BMPR1B: variants seen among roughly 807,000 people sequenced by gnomAD.
BMPR1B encodes bone morphogenetic protein receptor type 1B.
A neutral mutation model predicts 59.1 loss-of-function variants in BMPR1B; 12 were observed. That is an observed-to-expected ratio of 0.20 (90% CI 0.13 to 0.33). BMPR1B has a LOEUF of 0.33. Among genes scored for constraint, BMPR1B ranks in the 10% least tolerant of loss-of-function variants. The probability of loss-of-function intolerance (pLI) is 1.00; values close to 1 mark genes in which losing one functional copy is unlikely to be tolerated. For missense variants in BMPR1B, 550 were observed against 610.9 expected (o/e 0.90, Z 1.05); for synonymous variants, 237 against 207.3 (o/e 1.14, Z -1.23).
chr4:95,112,256 C>A (rs1263394296), intron 4 of BMPR1B, among the ~76,000 whole-genome samples: 1 of 151,994 alleles, frequency 6.6e-6, no homozygotes, highest in Non-Finnish European at 1.5e-5. Flanking sequence ...TTTATCACTT[C>A]CAACACTCTG....
At chr4:94,769,031 G>T in intron 1 of BMPR1B, among the ~76,000 whole-genome samples, 1 of 151,892 alleles carries the variant, frequency 6.6e-6, no homozygotes, top group East Asian at 1.9e-4. Flanking sequence ...TTATACTTGT[G>T]GTTTGAAAGC....
chr4:94,799,303 G>GTTTT (rs781266058), intron 1 of BMPR1B, among the ~76,000 whole-genome samples: 22 of 139,048 alleles, frequency 1.6e-4, no homozygotes, highest in African/African-American at 5.8e-4. Context: ...TTGGGTGACT[G>GTTTT]TTTTTTTTTT....
At chr4:94,802,577 G>A (rs1723449714) in intron 1 of BMPR1B, among the ~76,000 whole-genome samples, 1 of 152,168 alleles carries the variant, frequency 6.6e-6, no homozygotes, top group African/African-American at 2.4e-5. Context: ...GAGGACATAA[G>A]CAAAGACTTA....
chr4:95,018,162 G>T (rs2149133079), intron 3 of BMPR1B, among the ~76,000 whole-genome samples: 1 of 152,228 alleles, frequency 6.6e-6, no homozygotes, highest in Admixed American at 6.5e-5. Flanking sequence ...ATCATTTTAT[G>T]TACATGCAAC....
chr4:94,936,924 C>T (rs1396192333), intron 2 of BMPR1B, among the ~76,000 whole-genome samples: 1 of 152,020 alleles, frequency 6.6e-6, no homozygotes, highest in Non-Finnish European at 1.5e-5. Context: ...TTTCCCCTTC[C>T]AAACTGTCTA....
intron 3 of BMPR1B, among the ~76,000 whole-genome samples, chr4:95,078,255 G>A (rs568481425): frequency 1.3e-5 from 2 of 152,262 alleles, no homozygotes; most frequent in South Asian, 4.1e-4. Flanking sequence ...TCACACTCTA[G>A]GAAGTAGTCT....
At chr4:94,822,154 CAA>C (rs1437783713) in intron 1 of BMPR1B, among the ~76,000 whole-genome samples, 1 of 152,246 alleles carries the variant, frequency 6.6e-6, no homozygotes, top group East Asian at 1.9e-4. Flanking sequence ...GGTGGATGGG[CAA>C]AGAGACAAAA....
intron 10 of BMPR1B, among the ~76,000 whole-genome samples, chr4:95,136,603 A>G (rs1186228966): frequency 2.0e-5 from 3 of 152,238 alleles, no homozygotes; most frequent in Non-Finnish European, 4.4e-5. Context: ...TTATTAGTCT[A>G]TTCAGGGATT....
chr4:94,971,877 C>G (rs1029367241), intron 2 of BMPR1B, among the ~76,000 whole-genome samples: 1 of 151,686 alleles, frequency 6.6e-6, no homozygotes, highest in African/African-American at 2.4e-5. Flanking sequence ...GACAAAGATG[C>G]TATAAATAAA....
intron 2 of BMPR1B, among the ~76,000 whole-genome samples, chr4:94,909,920 C>G (rs17429308): frequency 0.16 from 24,311 of 151,962 alleles, 2,081 homozygotes; most frequent in South Asian, 0.19. Flanking sequence ...TTCTGTGGCT[C>G]AAACAATGAA....
At chr4:94,817,115 T>A (rs1724041348) in intron 1 of BMPR1B, among the ~76,000 whole-genome samples, 2 of 152,192 alleles carry the variant, frequency 1.3e-5, no homozygotes, top group Admixed American at 6.5e-5. Context: ...AGGCTCCATC[T>A]TGAAGCCAAG....
At chr4:94,982,171 CAGA>C (rs1210910979) in intron 2 of BMPR1B, among the ~76,000 whole-genome samples, 5 of 152,132 alleles carry the variant, frequency 3.3e-5, no homozygotes, top group Middle Eastern at 3.4e-3. Flanking sequence ...TGGGTATTTC[CAGA>C]AGAACTCATT....
At chr4:95,154,272 T>C (rs1735257363) in intron 12 of BMPR1B, among the ~76,000 whole-genome samples, 1 of 152,234 alleles carries the variant, frequency 6.6e-6, no homozygotes, top group Non-Finnish European at 1.5e-5. Context: ...ACAGACTCCC[T>C]GGGTATTTTT....
At chr4:94,861,356 C>G (rs1725969813) in intron 1 of BMPR1B, among the ~76,000 whole-genome samples, 1 of 152,120 alleles carries the variant, frequency 6.6e-6, no homozygotes, top group Non-Finnish European at 1.5e-5. Flanking sequence ...CATTCATTGT[C>G]AAGTATTTGA....
intron 2 of BMPR1B, among the ~76,000 whole-genome samples, chr4:94,976,988 A>G (rs1202809367): frequency 6.6e-6 from 1 of 152,160 alleles, no homozygotes; most frequent in Non-Finnish European, 1.5e-5. Flanking sequence ...TTTCTTGGGA[A>G]TGGAAATTTG....
intron 1 of BMPR1B, among the ~76,000 whole-genome samples, chr4:94,823,698 GC>G (rs1325053664): frequency 1.3e-5 from 2 of 151,984 alleles, no homozygotes; most frequent in African/African-American, 4.8e-5. Flanking sequence ...GGTTAGATAT[GC>G]CTGTCTGAGC....
chr4:94,778,181 G>C (rs981830448), intron 1 of BMPR1B, among the ~76,000 whole-genome samples: 1 of 152,080 alleles, frequency 6.6e-6, no homozygotes, highest in Non-Finnish European at 1.5e-5. Flanking sequence ...AGCCTCTTAT[G>C]CATTCCTCAG....
intron 3 of BMPR1B, among the ~76,000 whole-genome samples, chr4:95,053,021 A>G (rs1415142698): frequency 6.6e-6 from 1 of 152,046 alleles, no homozygotes; most frequent in Non-Finnish European, 1.5e-5. Context: ...CTCTTTTAGC[A>G]TTTTCTTTGA....
chr4:94,883,114 T>C (rs1446172837), intron 2 of BMPR1B, among the ~76,000 whole-genome samples: 1 of 151,974 alleles, frequency 6.6e-6, no homozygotes, highest in Admixed American at 6.6e-5. Flanking sequence ...GCCTTGAAAA[T>C]AGACTTCGAA....
Sources: gnomAD v4.1 joint callset for allele counts (sites outside exome capture counted in the v4.1 genomes callset) on GRCh38, gnomAD v4.1.1 for gene constraint, MANE v1.5 for transcripts, NCBI Gene and HGNC (gene_info 2026-07-23, HGNC 2026-07-21) for gene names.